Variants in GREB1 observed in about 807,000 individuals in gnomAD.
GREB1 encodes growth regulating estrogen receptor binding 1.
Under a neutral mutation model 200.7 loss-of-function variants are expected in GREB1, and 106 were observed. The observed-to-expected ratio is 0.53, with a 90% CI of 0.45 to 0.62. The LOEUF (loss-of-function observed/expected upper bound fraction) is 0.62. Among genes scored for constraint, GREB1 ranks in the 20% least tolerant of loss-of-function variants. The pLI is 0.00. For synonymous variants in GREB1, 1,132 were observed against 1,092.4 expected (o/e 1.04, Z -0.72); for missense variants, 2,243 against 2,556.8 (o/e 0.88, Z 2.65).
intron 8 of GREB1, 92 bp downstream of exon 8, chr2:11,585,366 G>T: frequency 1.3e-6 from 1 of 753,640 alleles, no homozygotes; most frequent in Non-Finnish European, 2.1e-6. Flanking sequence ...GTGTGCGTGC[G>T]CACGAGTGTG....
chr2:11,540,978 A>G (rs369639966), intron 1 of GREB1, among the ~76,000 whole-genome samples: 1 of 152,212 alleles, frequency 6.6e-6, no homozygotes, highest in East Asian at 1.9e-4. Context: ...GAAGTAAGTC[A>G]CCATGCTTCT....
At chr2:11,624,104 G>T (rs1184299395) in intron 23 of GREB1, among the ~76,000 whole-genome samples, 4 of 152,054 alleles carry the variant, frequency 2.6e-5, no homozygotes, top group African/African-American at 9.7e-5. Context: ...TATTAATGAA[G>T]AAAGAAAAAT....
Position 11,618,591 on chromosome 2 carries a change from C to T in GREB1, c.3716C>T (p.Thr1239Met), listed in dbSNP as rs200183889. Residue 1239 changes from threonine (T) to methionine (M), a missense_variant, in exon 22 of 33, where the codon ACG becomes ATG. Physicochemically the swap from Thr to Met is moderately conservative, Grantham distance 81. Coordinates refer to ENST00000381486, the MANE Select transcript of GREB1 (RefSeq NM_014668.4). Reference protein sequence around the residue: ...SSSSVAPAAGTWVLQASQCSL... With the variant: ...SSSSVAPAAGMWVLQASQCSL... ...TCATCCGTGGCGCCCGCTGCCGGCACGTGGGTCCTGCAGGCCTCCCAGTGC... is the reference window on the plus strand; with the variant it reads ...TCATCCGTGGCGCCCGCTGCCGGCATGTGGGTCCTGCAGGCCTCCCAGTGC... 2.2e-4 allele frequency: 360 copies of T among 1,613,122 alleles called. No individual in the cohort carries two copies. The highest frequency in any genetic ancestry group is 3.3e-4 in the East Asian group (15 of 44,864).
intron 16 of GREB1, among the ~76,000 whole-genome samples, chr2:11,601,570 A>G (rs1681784627): frequency 6.6e-6 from 1 of 152,266 alleles, no homozygotes; most frequent in African/African-American, 2.4e-5. Flanking sequence ...CACAAGAATA[A>G]GTAAACGTAA....
intron 27 of GREB1, among the ~76,000 whole-genome samples, chr2:11,632,591 G>GC (rs943328411): frequency 3.3e-5 from 5 of 152,128 alleles, no homozygotes; most frequent in Admixed American, 2.6e-4. Flanking sequence ...GCCTGCCTCG[G>GC]CCCCCCAAAC....
chr2:11,490,014 A>G (rs909862286), intron 1 of GREB1, among the ~76,000 whole-genome samples: 4 of 149,602 alleles, frequency 2.7e-5, no homozygotes, highest in Non-Finnish European at 5.9e-5. Flanking sequence ...ATACTCTATT[A>G]TATTACAATT....
intron 17 of GREB1, 114 bp from the exon 18 acceptor site, chr2:11,610,574 T>C (rs1682825098): frequency 1.3e-6 from 1 of 748,582 alleles, no homozygotes; most frequent in East Asian, 2.6e-5. Context: ...GCAACACAAC[T>C]GCGTATAATG....
Position 11,556,751 on chromosome 2 carries a change from A to G in GREB1, c.137A>G (p.Gln46Arg). 6.2e-7 allele frequency: 1 copy of G among 1,614,028 alleles called. No individual in the cohort carries two copies. The highest frequency in any genetic ancestry group is 8.5e-7 in the Non-Finnish European group (1 of 1,179,950). The change falls in exon 2 of 33, where the codon CAG becomes CGG. Residue 46 changes from glutamine to arginine, a missense_variant. Coordinates refer to ENST00000381486, the MANE Select transcript of GREB1 (RefSeq NM_014668.4). The part of the protein sequence containing the change: ...IFSQLYLEAE[Q>R]QLAALEGGSR... ...TCCCAGCTGTACCTGGAAGCTGAGC[A>G]GCAGCTTGCCGCTCTAGAAGGTGGG...
chr2:11,592,239 G>T (rs1341969179), intron 10 of GREB1: 1 of 220,150 alleles, frequency 4.5e-6, no homozygotes, highest in African/African-American at 2.8e-5. Context: ...ATTCTGGATT[G>T]ATACTTATTC....
intron 2 of GREB1, 59 bp from the exon 3 acceptor site, chr2:11,562,404 G>A (rs1677155622): frequency 6.2e-7 from 1 of 1,600,322 alleles, no homozygotes; most frequent in Admixed American, 1.7e-5. Flanking sequence ...AAGGCCCTGG[G>A]GGAAGCTCTG....
At chr2:11,616,277 C>T (rs1683395295) in intron 20 of GREB1, among the ~76,000 whole-genome samples, 1 of 152,244 alleles carries the variant, frequency 6.6e-6, no homozygotes, top group African/African-American at 2.4e-5. Context: ...ACTTTACCTG[C>T]AAAACCCTGA....
chr2:11,555,313 G>A (rs58573299), intron 1 of GREB1, among the ~76,000 whole-genome samples: 5,749 of 152,268 alleles, frequency 0.038, 227 homozygotes, highest in African/African-American at 0.091. Flanking sequence ...CCCTATGTAT[G>A]ATCAGGGAGA....
Position 11,640,060 on chromosome 2 carries a change from T to C in GREB1, c.5687-231T>C, listed in dbSNP as rs1685695951. On this transcript the variant is annotated intron_variant, in intron 32 of 32. Transcript: ENST00000381486. The surrounding 1 kb of genome is among the most constrained non-coding windows in gnomAD (Gnocchi z 4.6). The stretch of plus-strand genomic sequence containing the variant: ...CACCTCGGTTCAGTCCCTGCTCGGC[T>C]TTCCTTCTGCCTCCGTGTTTTCTCC... Among the ~76,000 whole-genome samples, 4 of 152,148 alleles carry C rather than the reference T, an allele frequency of 2.6e-5. No homozygotes were observed. The South Asian group carries it at 8.3e-4, about 32-fold the overall frequency.
chr2:11,633,028 C>G lies in GREB1; in HGVS notation c.4956C>G (p.Asn1652Lys), dbSNP rs755729420. 3 of 1,614,162 alleles carry G rather than the reference C, an allele frequency of 1.9e-6. No homozygotes were observed. Among genetic ancestry groups the G allele is most frequent in the Non-Finnish European group, 2.5e-6 (3 of 1,180,024 alleles). The stretch of plus-strand genomic sequence containing the variant: ...CTGATGACTCCTGCGTGATGTGGAA[C>G]GTGGTGGATGTCAACTCTGCTGGGG... ...VISDDSCVMW[N>K]VVDVNSAGER... Residue 1652 changes from asparagine (N) to lysine (K), a missense_variant, in exon 28 of 33, where the codon AAC (asparagine) becomes AAG (lysine). Asn to Lys is a moderately conservative substitution (Grantham distance 94). Transcript: ENST00000381486. This position sits in a 1 kb window ranked among gnomAD's most constrained non-coding sequence, Gnocchi z 4.1.
intron 1 of GREB1, chr2:11,556,231 T>C (rs111806004): frequency 7.4e-4 from 115 of 154,978 alleles, no homozygotes; most frequent in Admixed American, 1.6e-3. Flanking sequence ...CTTACAAGAG[T>C]GTTGGAGGGC....
chr2:11,498,255 C>CT (rs1169046768), intron 1 of GREB1, among the ~76,000 whole-genome samples: 13 of 150,912 alleles, frequency 8.6e-5, no homozygotes, highest in African/African-American at 2.9e-4. Flanking sequence ...GTCTATGATC[C>CT]TTTATGAGTT....
Position 11,618,910 on chromosome 2 carries a change from C to A in GREB1, c.4035C>A (p.Gly1345=). ...GFHPRRLLLS[G]PPQIGKTGAY... ...ACCCCCGCAGGCTGCTGCTCAGCGG[C>A]CCCCCTCAGGTGAGTGTTGCTCGCT... The change falls in exon 22 of 33, where the codon GGC becomes GGA. Residue 1345 remains glycine (G), a synonymous_variant. Transcript: ENST00000381486. The A allele has an allele frequency of 6.6e-7, 1 of 1,521,466 alleles. No individual in the cohort carries two copies. Among genetic ancestry groups the A allele is most frequent in the Non-Finnish European group, 8.8e-7 (1 of 1,138,436 alleles). 94.2% of individuals were successfully genotyped at this position (1,521,466 alleles called of 1,614,324 possible).
chr2:11,615,250 G>T lies in GREB1; in HGVS notation c.3282G>T (p.Leu1094=). The T allele has an allele frequency of 6.2e-7, 1 of 1,608,798 alleles. No individual in the cohort carries two copies. Among genetic ancestry groups the T allele is most frequent in the Admixed American group, 1.7e-5 (1 of 59,038 alleles). Residue 1094 remains leucine, a synonymous_variant, in exon 20 of 33, where the codon CTG becomes CTT. Coordinates refer to ENST00000381486, the MANE Select transcript of GREB1 (RefSeq NM_014668.4). The part of the protein sequence containing the change: ...NEALESDAEK[L]SSTDNEDEEL... ...CCTTGGAGAGTGATGCTGAGAAGCT[G>T]AGCAGCACAGACAACGAGGATGAGG... is the stretch of plus-strand genomic sequence containing the variant.
At chr2:11,626,048 C>T (rs753945065) in intron 24 of GREB1, among the ~76,000 whole-genome samples, 20 of 151,990 alleles carry the variant, frequency 1.3e-4, no homozygotes, top group Admixed American at 3.3e-4. Context: ...GGAAACTGCC[C>T]CCATGATTCA....
Sources: allele counts gnomAD v4.1 joint callset (sites outside exome capture counted in the v4.1 genomes callset), GRCh38; gene constraint gnomAD v4.1.1; non-coding constraint Gnocchi (gnomAD v3.1); transcripts MANE v1.5; gene names NCBI Gene and HGNC (gene_info 2026-07-23, HGNC 2026-07-21).